Variants in CCDC14 observed in about 807,000 individuals in gnomAD.
The protein encoded by CCDC14 is coiled-coil domain-containing protein 14.
Under a neutral mutation model 81.4 loss-of-function variants are expected in CCDC14, and 71 were observed. That is an observed-to-expected ratio of 0.87 (90% confidence interval 0.72 to 1.06). CCDC14 has a LOEUF of 1.06. Among genes scored for constraint, CCDC14 ranks in the 50% least tolerant of loss-of-function variants. The probability of loss-of-function intolerance (pLI) is 0.00; values close to 1 mark genes in which losing one functional copy is unlikely to be tolerated. For missense variants in CCDC14, 1,046 were observed against 1,047.3 expected (o/e 1.00, Z 0.02); for synonymous variants, 332 against 364.8 (o/e 0.91, Z 1.03).
chr3:123,943,308 A>G (rs958699699), intron 9 of CCDC14, among the ~76,000 whole-genome samples: 3 of 152,074 alleles, frequency 2.0e-5, no homozygotes, highest in African/African-American at 7.2e-5. Flanking sequence ...TCAGTGATAA[A>G]GGTGAAAGAC....
rs145786751 is a variant in CCDC14, at chr3:123,938,664, A to G, written c.1344-4909T>C. ...AGAAATAACTATCATTATTTGCTGGATAACATTCATACATTCTCCAGCATA... is the reference window on the plus strand; with the variant it reads ...AGAAATAACTATCATTATTTGCTGGGTAACATTCATACATTCTCCAGCATA... On this transcript the variant is annotated intron_variant, in intron 9 of 12. Coordinates refer to ENST00000409697, the MANE Select transcript of CCDC14 (RefSeq NM_001366335.1). 5.0e-3 allele frequency among the ~76,000 whole-genome samples: 757 copies of G among 152,108 alleles called. 4 individuals are homozygous for G. Among genetic ancestry groups the G allele is most frequent in the African/African-American group, 0.018 (731 of 41,552 alleles).
chr3:123,902,610 T>C (rs74853797), intron 5 of CCDC14, among the ~76,000 whole-genome samples: 2,969 of 152,260 alleles, frequency 0.019, 85 homozygotes, highest in African/African-American at 0.067. Context: ...ACTTGGTTCC[T>C]TCAACAAATA....
At chr3:123,948,614 G>A (rs1359583273) in intron 7 of CCDC14, 77 bp downstream of exon 7, 7 of 1,058,058 alleles carry the variant, frequency 6.6e-6, no homozygotes, top group South Asian at 1.6e-5. Flanking sequence ...TAAGTTATAA[G>A]CAATAAATTC....
Position 123,947,025 on chromosome 3 carries a change from G to T in CCDC14, c.979C>A (p.Pro327Thr). 7 of 1,613,904 alleles carry T rather than the reference G, an allele frequency of 4.3e-6. No individual in the cohort carries two copies. The highest frequency in any genetic ancestry group is 5.9e-6 in the Non-Finnish European group (7 of 1,179,838). ...THLDSQTHRS[P>T]TQSQPAFLAT... is the part of the protein sequence containing the mutation. The stretch of plus-strand genomic sequence containing the variant: ...AAGAAAGCTGGTTGTGACTGAGTAG[G>T]GCTTCGGTGTGTCTGACTGTCCAGA... Residue 327 changes from proline (P) to threonine (T), a missense_variant, in exon 8 of 13, where the codon CCT becomes ACT. By Grantham distance (38) the Pro-to-Thr change is conservative. Transcript: ENST00000409697.
intron 12 of CCDC14, among the ~76,000 whole-genome samples, chr3:123,916,803 T>A (rs1393034756): frequency 6.6e-6 from 1 of 152,138 alleles, no homozygotes; most frequent in Non-Finnish European, 1.5e-5. Context: ...GTTTGTTTGA[T>A]GGCAGCCTTT....
At chr3:123,926,007 G>A (rs2035340135) in intron 12 of CCDC14, among the ~76,000 whole-genome samples, 1 of 151,688 alleles carries the variant, frequency 6.6e-6, no homozygotes, top group African/African-American at 2.4e-5. Flanking sequence ...ATGCTGTAAC[G>A]AATAATGACC....
At chr3:123,891,911 T>C in the CCDC14 span, among the ~76,000 whole-genome samples, 1 of 152,226 alleles carries the variant, frequency 6.6e-6, no homozygotes, top group African/African-American at 2.4e-5. Flanking sequence ...AGAGGTTTAA[T>C]GGACTTACAG....
At chr3:123,955,594 ATTC>A (rs2037278707) in intron 5 of CCDC14, 1 of 300,072 alleles carries the variant, frequency 3.3e-6, no homozygotes, top group African/African-American at 2.2e-5. Context: ...CCCAAATGTC[ATTC>A]TGAGTTTGAA....
downstream of CCDC14, among the ~76,000 whole-genome samples, chr3:123,893,483 G>C (rs2034018019): frequency 6.6e-6 from 1 of 151,916 alleles, no homozygotes; most frequent in African/African-American, 2.4e-5. Flanking sequence ...ATGGACATTT[G>C]GGTTGTTTTT....
At chr3:123,952,707 A>T (rs926117246) in intron 5 of CCDC14, 7 of 450,394 alleles carry the variant, frequency 1.6e-5, no homozygotes, top group African/African-American at 1.4e-4. Context: ...AAATAGCAAG[A>T]TAATGTGTGT....
At chr3:123,903,297 AACACACACACAC>A (rs57466490) in intron 5 of CCDC14, among the ~76,000 whole-genome samples, 9,550 of 144,218 alleles carry the variant, frequency 0.066, 754 homozygotes, top group East Asian at 0.34. Flanking sequence ...TTATTTTTCA[AACACACACACAC>A]ACACACACAC....
At chr3:123,912,154 T>A (rs1306977276), downstream of CCDC14, among the ~76,000 whole-genome samples, 6 of 152,278 alleles carry the variant, frequency 3.9e-5, no homozygotes, top group African/African-American at 1.4e-4. Flanking sequence ...TGCTAGAGGA[T>A]GGTTCTCACT....
chr3:123,939,637 A>C (rs2036247305), intron 9 of CCDC14, among the ~76,000 whole-genome samples: 1 of 151,744 alleles, frequency 6.6e-6, no homozygotes. Context: ...TCTTCTTCAT[A>C]ATAATTTTTA....
chr3:123,931,339 T>C lies in CCDC14; in HGVS notation c.1614A>G (p.Gln538=). The part of the protein sequence containing the change: ...KDQTILENKQ[Q]YDIEITRIKI... Reference sequence around the variant, plus strand: ...TTATTCTTGTTATCTCAATATCATATTGCTGTTTATTTTCAAGTATAGTTT... The same window carrying C: ...TTATTCTTGTTATCTCAATATCATACTGCTGTTTATTTTCAAGTATAGTTT... The change falls in exon 11 of 13, where the codon CAA becomes CAG. Residue 538 remains glutamine, a synonymous_variant. Transcript: ENST00000409697. 6.6e-7 allele frequency: 1 copy of C among 1,520,678 alleles called. No homozygotes were observed. Among genetic ancestry groups the C allele is most frequent in the South Asian group, 1.2e-5 (1 of 83,010 alleles). 94.2% of individuals were successfully genotyped at this position (1,520,678 alleles called of 1,614,324 possible).
At chr3:123,887,624 C>G in the CCDC14 span, among the ~76,000 whole-genome samples, 1 of 152,198 alleles carries the variant, frequency 6.6e-6, no homozygotes, top group African/African-American at 2.4e-5. Flanking sequence ...ACGGCACCTT[C>G]TCACTTTGCC....
chr3:123,943,722 A>C (rs2036481350), intron 9 of CCDC14, among the ~76,000 whole-genome samples: 1 of 152,156 alleles, frequency 6.6e-6, no homozygotes, highest in South Asian at 2.1e-4. Context: ...TATCCAATGA[A>C]GCCTCCATAA....
At chr3:123,910,278 C>T (rs182458753), downstream of CCDC14, among the ~76,000 whole-genome samples, 288 of 152,244 alleles carry the variant, frequency 1.9e-3, 1 homozygote, top group African/African-American at 6.5e-3. Flanking sequence ...GCCAACTCAA[C>T]CTTTGTCCAT....
At chr3:123,917,064 C>T (rs940641464) in intron 12 of CCDC14, among the ~76,000 whole-genome samples, 5 of 151,606 alleles carry the variant, frequency 3.3e-5, no homozygotes, top group African/African-American at 9.7e-5. Context: ...GGGATGGTCT[C>T]GATCTCCTGA....
At chr3:123,920,574 A>C (rs1490117154) in intron 12 of CCDC14, among the ~76,000 whole-genome samples, 1 of 152,230 alleles carries the variant, frequency 6.6e-6, no homozygotes, top group Non-Finnish European at 1.5e-5. Flanking sequence ...ACAACCTGTC[A>C]ACCAAGAATA....
Sources: allele counts gnomAD v4.1 joint callset (sites outside exome capture counted in the v4.1 genomes callset), GRCh38; gene constraint gnomAD v4.1.1; transcripts MANE v1.5; gene names NCBI Gene and HGNC (gene_info 2026-07-23, HGNC 2026-07-21).